Variants in SCAF4 observed in about 807,000 individuals in gnomAD.
SCAF4 encodes SR-related CTD associated factor 4.
SCAF4 carries 25 observed loss-of-function variants against 129.8 expected under a neutral mutation model. That is an observed-to-expected ratio of 0.19 (90% CI 0.14 to 0.27). The LOEUF (loss-of-function observed/expected upper bound fraction) is 0.27. SCAF4 is among the 10% of genes least tolerant of loss of function. SCAF4 has a pLI of 1.00. For synonymous variants in SCAF4, 551 were observed against 497.7 expected, an observed-to-expected ratio of 1.11 and a Z score of -1.43; for missense variants, 1,246 against 1,457.1, an observed-to-expected ratio of 0.86 and a Z score of 2.36.
Position 31,671,770 on chromosome 21 carries a change from T to G in SCAF4, c.3073A>C (p.Asn1025His). ...CACTCTCTCCTGTCACGGTTACTAT[T>G]ATCTCTATCATCATTACGGTTCCCA... is the stretch of plus-strand genomic sequence containing the variant. ...RYGNRNDDRD[N>H]SNRDRREWGR... is the part of the protein sequence containing the mutation. Residue 1025 changes from asparagine (N) to histidine (H), a missense_variant, in exon 20 of 20, where the codon AAT (asparagine) becomes CAT (histidine). Asn to His is a moderately conservative substitution (Grantham distance 68). This residue lies in a region of SCAF4 where 339 missense variants were observed against 325.0 expected (regional missense o/e 1.04). Transcript: ENST00000286835. 6.2e-7 allele frequency: 1 copy of G among 1,614,138 alleles called. No homozygotes were observed. The highest frequency in any genetic ancestry group is 2.2e-5 in the East Asian group (1 of 44,884).
At chr21:31,726,000 T>C (rs1466663604) in intron 1 of SCAF4, among the ~76,000 whole-genome samples, 1 of 151,974 alleles carries the variant, frequency 6.6e-6, no homozygotes, top group Non-Finnish European at 1.5e-5. Context: ...TAAATATCAA[T>C]AAATATAATA....
chr21:31,726,879 A>G (rs1285511320), intron 1 of SCAF4, among the ~76,000 whole-genome samples: 2 of 152,216 alleles, frequency 1.3e-5, no homozygotes, highest in African/African-American at 4.8e-5. Context: ...ACACTCCAGT[A>G]TCAGAGAATA....
chr21:31,693,807 CTT>C (rs1340495159), intron 11 of SCAF4, among the ~76,000 whole-genome samples: 1 of 152,152 alleles, frequency 6.6e-6, no homozygotes, highest in Non-Finnish European at 1.5e-5. Context: ...TGTTACCTAT[CTT>C]CTTAGTAAAG....
At position 31,672,229 on chromosome 21, in the gene SCAF4, G is replaced by A; in HGVS notation, c.2614C>T (p.Arg872Trp). The stretch of plus-strand genomic sequence containing the variant: ...GGACGGGGCGGCATCAAAGGGAACC[G>A]CTGTAAGTGAGGTGGGGGCATTCCT... ...PPGMPPPHLQ[R>W]FPLMPPRPMP... Residue 872 changes from arginine (R) to tryptophan (W), a missense_variant, in exon 20 of 20, where the codon CGG becomes TGG. Coordinates refer to ENST00000286835, the MANE Select transcript of SCAF4 (RefSeq NM_020706.2). 1 of 1,611,578 alleles carries A rather than the reference G, an allele frequency of 6.2e-7. No homozygotes were observed. Among genetic ancestry groups the A allele is most frequent in the Non-Finnish European group, 8.5e-7 (1 of 1,178,824 alleles).
rs775587465 is a variant in SCAF4 at position 31,671,620 on chromosome 21, C to A, written c.3223G>T (p.Ala1075Ser). ...DRESRREKEE[A>S]RGKEKPEVTD... Reference sequence around the variant, plus strand: ...ACCTCAGGCTTTTCCTTTCCTCGGGCTTCTTCCTTCTCTCTACGAGACTCT... The same window carrying A: ...ACCTCAGGCTTTTCCTTTCCTCGGGATTCTTCCTTCTCTCTACGAGACTCT... Residue 1075 changes from alanine to serine, a missense_variant, in exon 20 of 20, where the codon GCC becomes TCC. Physicochemically the swap from Ala to Ser is moderately conservative, Grantham distance 99. Coordinates refer to ENST00000286835, the MANE Select transcript of SCAF4 (RefSeq NM_020706.2). The A allele has an allele frequency of 1.2e-6, 2 of 1,614,128 alleles. No homozygotes were observed. The highest frequency in any genetic ancestry group is 1.7e-6 in the Non-Finnish European group (2 of 1,180,024).
chr21:31,699,045 G>C (rs989784530), intron 7 of SCAF4, among the ~76,000 whole-genome samples: 8 of 152,142 alleles, frequency 5.3e-5, no homozygotes, highest in African/African-American at 1.9e-4. Context: ...AAAGAGTGAA[G>C]TGGGAGGGGG....
chr21:31,707,934 G>C (rs1269559835), intron 1 of SCAF4, among the ~76,000 whole-genome samples: 1 of 152,112 alleles, frequency 6.6e-6, no homozygotes, highest in Non-Finnish European at 1.5e-5. Context: ...ATAAGATACA[G>C]AAAACAGAGA....
intron 1 of SCAF4, among the ~76,000 whole-genome samples, chr21:31,715,850 C>A (rs931729233): frequency 2.0e-5 from 3 of 152,194 alleles, no homozygotes; most frequent in African/African-American, 7.2e-5. Flanking sequence ...CTAATTCATT[C>A]ATAATGCAAT....
At chr21:31,708,526 T>C (rs532805044) in intron 1 of SCAF4, among the ~76,000 whole-genome samples, 55 of 152,336 alleles carry the variant, frequency 3.6e-4, no homozygotes, top group African/African-American at 1.3e-3. Context: ...ATATGTAGCA[T>C]ACATTTATAA....
chr21:31,679,022 C>T (rs2049934402), intron 19 of SCAF4, among the ~76,000 whole-genome samples: 1 of 152,064 alleles, frequency 6.6e-6, no homozygotes, highest in African/African-American at 2.4e-5. Context: ...GAGGTGATGA[C>T]CAAACTCATC....
intron 1 of SCAF4, among the ~76,000 whole-genome samples, chr21:31,731,358 G>C (rs373381381): frequency 6.6e-6 from 1 of 152,214 alleles, no homozygotes; most frequent in Non-Finnish European, 1.5e-5. Context: ...GCCCAGACCC[G>C]AAAAAGGGCC....
At chr21:31,709,156 C>T (rs1361692233) in intron 1 of SCAF4, among the ~76,000 whole-genome samples, 1 of 152,072 alleles carries the variant, frequency 6.6e-6, no homozygotes, top group Non-Finnish European at 1.5e-5. Flanking sequence ...GAGACTGAGG[C>T]CCACTGGGCA....
chr21:31,685,837 A>T, intron 16 of SCAF4, 104 bp from the exon 17 acceptor site: 1 of 1,147,806 alleles, frequency 8.7e-7, no homozygotes, highest in Non-Finnish European at 1.2e-6. Flanking sequence ...GATGTTTCTT[A>T]ATTTGTGCTT....
intron 19 of SCAF4, among the ~76,000 whole-genome samples, chr21:31,676,049 T>C (rs1207365911): frequency 5.3e-5 from 8 of 152,084 alleles, no homozygotes. Flanking sequence ...ATATAAAACA[T>C]AAAATGTAAA....
intron 17 of SCAF4, 32 bp downstream of exon 17, chr21:31,685,536 T>C (rs375999273): frequency 1.9e-6 from 3 of 1,613,888 alleles, no homozygotes; most frequent in Non-Finnish European, 2.5e-6. Context: ...CATCGCAGGC[T>C]CTAAAGTATG....
At chr21:31,706,457 C>A in intron 1 of SCAF4, 100 bp from the exon 2 acceptor site, 1 of 775,526 alleles carries the variant, frequency 1.3e-6, no homozygotes, top group South Asian at 1.7e-5. Flanking sequence ...AAAATACAAA[C>A]GGGGCCGGGG....
chr21:31,672,277 G>T lies in SCAF4; in HGVS notation c.2566C>A (p.Leu856Ile). Residue 856 changes from leucine to isoleucine, a missense_variant, in exon 20 of 20, where the codon CTC (leucine) becomes ATC (isoleucine). Physicochemically the swap from Leu to Ile is conservative, Grantham distance 5. Coordinates refer to ENST00000286835, the MANE Select transcript of SCAF4 (RefSeq NM_020706.2). ...CCTGGAGGGCGCTGGAGTGGGATGA[G>T]ACCGGGCCGGGCGCCAAGAAGACCA... ...STGLLGARPG[L>I]IPLQRPPGMP... The T allele has an allele frequency of 6.2e-7, 1 of 1,614,002 alleles. No individual in the cohort carries two copies. Among genetic ancestry groups the T allele is most frequent in the South Asian group, 1.1e-5 (1 of 91,054 alleles).
rs530708131 is a variant in SCAF4 at position 31,698,320 on chromosome 21, T to C, written c.778-1570A>G. 2.0e-5 allele frequency among the ~76,000 whole-genome samples: 3 copies of C among 152,296 alleles called. No individual in the cohort carries two copies. The South Asian group carries it at 6.2e-4, about 32-fold the overall frequency. On this transcript the variant is annotated intron_variant, in intron 7 of 19. Transcript: ENST00000286835. ...AAGAAAAGCACAGAATTCCTTTTTC[T>C]AAACTTATGGGCCAGTCCACTTAAG...
At chr21:31,690,675 A>T in intron 15 of SCAF4, 122 bp downstream of exon 15, 1 of 783,862 alleles carries the variant, frequency 1.3e-6, no homozygotes, top group Admixed American at 2.4e-5. Context: ...AGATACTGAC[A>T]CAGGAGGGAT....
Sources: gnomAD v4.1 joint callset for allele counts (sites outside exome capture counted in the v4.1 genomes callset) on GRCh38, gnomAD v4.1.1 for gene constraint, gnomAD v4.1.1 regional missense constraint, MANE v1.5 for transcripts, NCBI Gene and HGNC (gene_info 2026-07-23, HGNC 2026-07-21) for gene names.